The following CDH13 variants were observed in gnomAD, a reference collection of about 807,000 sequenced individuals.
CDH13 encodes the protein cadherin 13.
A neutral mutation model predicts 63.8 loss-of-function variants in CDH13; 24 were observed. The ratio of observed to expected loss-of-function variants is 0.38; its 90% CI spans 0.27 to 0.53. The LOEUF is 0.53. CDH13 is among the 20% of genes least tolerant of loss of function. The pLI is 0.85. For missense variants in CDH13, 1,049 were observed against 903.1 expected (o/e 1.16, Z -2.07); for synonymous variants, 503 against 355.3 (o/e 1.42, Z -4.67).
At chr16:83,416,701 T>G (rs1234432517) in intron 6 of CDH13, among the ~76,000 whole-genome samples, 1 of 152,144 alleles carries the variant, frequency 6.6e-6, no homozygotes, top group Non-Finnish European at 1.5e-5. Context: ...GCACTATTCA[T>G]AGGTTGAAAA....
chr16:83,054,822 A>G (rs1284965866), intron 3 of CDH13, among the ~76,000 whole-genome samples: 4 of 152,166 alleles, frequency 2.6e-5, no homozygotes, highest in African/African-American at 9.6e-5. Context: ...AAATTTCACT[A>G]AAATCTGTAA....
At chr16:83,592,097 A>G (rs1203545648) in intron 7 of CDH13, among the ~76,000 whole-genome samples, 1 of 152,088 alleles carries the variant, frequency 6.6e-6, no homozygotes, top group East Asian at 1.9e-4. Flanking sequence ...TGCTTACCCC[A>G]TCTCATTGTG....
intron 3 of CDH13, among the ~76,000 whole-genome samples, chr16:83,109,827 A>G (rs1366178590): frequency 2.0e-5 from 3 of 152,172 alleles, no homozygotes; most frequent in Non-Finnish European, 4.4e-5. Flanking sequence ...CATCACCATC[A>G]CATGTGGTTG....
intron 6 of CDH13, among the ~76,000 whole-genome samples, chr16:83,365,001 G>C (rs1454651158): frequency 1.3e-5 from 2 of 152,186 alleles, no homozygotes; most frequent in Non-Finnish European, 2.9e-5. Context: ...GATAGGTGCA[G>C]CAAACCACCA....
Position 82,888,143 on chromosome 16 carries a change from CCT to C in CDH13, c.157+29671_157+29672del, listed in dbSNP as rs570726592. Among the ~76,000 whole-genome samples the C allele has an allele frequency of 3.6e-4, 55 of 152,248 alleles. 2 individuals are homozygous for C. The highest frequency in any genetic ancestry group is 1.2e-3 in the African/African-American group (51 of 41,558). On this transcript the variant is annotated intron_variant, in intron 2 of 13. Transcript: ENST00000567109. Reference sequence around the variant, plus strand: ...CCAAGTTCCAAAAAGCACCGAACAACCTTTTGGGAAGAAAACATACATAGTGT... The same window carrying C: ...CCAAGTTCCAAAAAGCACCGAACAACTTTGGGAAGAAAACATACATAGTGT...
At chr16:83,562,710 C>T (rs1197808442) in intron 7 of CDH13, among the ~76,000 whole-genome samples, 1 of 152,164 alleles carries the variant, frequency 6.6e-6, no homozygotes, top group Non-Finnish European at 1.5e-5. Context: ...AGGGTTTCTG[C>T]CTGTCTATTT....
At chr16:83,503,493 G>A (rs951509612) in intron 7 of CDH13, among the ~76,000 whole-genome samples, 2 of 152,090 alleles carry the variant, frequency 1.3e-5, no homozygotes, top group Admixed American at 1.3e-4. Context: ...ACAGGAGAGG[G>A]AAAGGAGGAA....
chr16:82,858,921 C>A (rs2039815099), intron 2 of CDH13: 1 of 172,810 alleles, frequency 5.8e-6, no homozygotes, highest in Admixed American at 6.2e-5. Flanking sequence ...ACACAGACAT[C>A]AAAAACTCTT....
At chr16:83,622,349 T>A (rs746598489) in intron 8 of CDH13, among the ~76,000 whole-genome samples, 3 of 152,140 alleles carry the variant, frequency 2.0e-5, no homozygotes, top group Non-Finnish European at 4.4e-5. Context: ...TTCTACACAC[T>A]CTTCCGGCCC....
chr16:83,446,201 G>T (rs1027791014), intron 6 of CDH13, among the ~76,000 whole-genome samples: 1 of 151,660 alleles, frequency 6.6e-6, no homozygotes, highest in Admixed American at 6.6e-5. Flanking sequence ...TATTTAGGAG[G>T]CTGAGGCAAG....
intron 4 of CDH13, among the ~76,000 whole-genome samples, chr16:83,150,315 A>T (rs183266072): frequency 3.6e-4 from 55 of 152,248 alleles, no homozygotes; most frequent in African/African-American, 1.3e-3. Flanking sequence ...TCTCTGTCTC[A>T]TGTCTATGTC....
At chr16:83,628,684 G>A (rs1436953486) in intron 8 of CDH13, among the ~76,000 whole-genome samples, 2 of 152,142 alleles carry the variant, frequency 1.3e-5, no homozygotes, top group Non-Finnish European at 2.9e-5. Context: ...ATTTCAATAG[G>A]AGGCGAAGAT....
rs1906754267 is a variant in CDH13 at position 83,591,562 on chromosome 16, C to T, written c.961-10892C>T. 5.9e-5 allele frequency among the ~76,000 whole-genome samples: 9 copies of T among 152,190 alleles called. No homozygotes were observed. The South Asian group carries it at 1.9e-3, about 31-fold the overall frequency. ...TCACCTCACAAACCTTGACTCCAGG[C>T]ACGCTGGTGGCCCTGTTGCAGCCTG... is the stretch of plus-strand genomic sequence containing the variant. On this transcript the variant is annotated intron_variant, in intron 7 of 13. Transcript: ENST00000567109.
At chr16:82,650,058 A>AC (rs1910546990) in intron 1 of CDH13, among the ~76,000 whole-genome samples, 2 of 152,194 alleles carry the variant, frequency 1.3e-5, no homozygotes, top group Non-Finnish European at 2.9e-5. Flanking sequence ...AGGCTCAGTC[A>AC]CTTAAAGAAT....
At chr16:83,442,962 T>C (rs1459263061) in intron 6 of CDH13, among the ~76,000 whole-genome samples, 1 of 152,228 alleles carries the variant, frequency 6.6e-6, no homozygotes, top group East Asian at 1.9e-4. Context: ...CATATGGCTT[T>C]TCCTAAACAG....
intron 2 of CDH13, among the ~76,000 whole-genome samples, chr16:82,950,846 G>T (rs1281908855): frequency 6.7e-6 from 1 of 148,622 alleles, no homozygotes; most frequent in South Asian, 2.1e-4. Flanking sequence ...GGCGAGGACA[G>T]TGAAACCCAC....
intron 10 of CDH13, among the ~76,000 whole-genome samples, chr16:83,734,476 G>T (rs368900362): frequency 6.6e-6 from 1 of 151,318 alleles, no homozygotes. Flanking sequence ...GTAAACTATC[G>T]CAAGGACAAA....
Position 83,047,848 on chromosome 16 carries a change from A to T in CDH13, c.366+15630A>T, listed in dbSNP as rs548077150. Among the ~76,000 whole-genome samples, 12 of 152,186 alleles carry T rather than the reference A, an allele frequency of 7.9e-5. No homozygotes were observed. Among genetic ancestry groups the T allele is most frequent in the Non-Finnish European group, 1.5e-4 (10 of 68,028 alleles). On this transcript the variant is annotated intron_variant, in intron 3 of 13. Transcript: ENST00000567109. The surrounding 1 kb of genome is among the most constrained non-coding windows in gnomAD (Gnocchi z 4.9). ...GTCATATAATCTTTATAATAACTCT[A>T]TAATATAGGTCCTATTTTATCTTCA...
At chr16:83,123,627 T>G (rs116695693) in intron 3 of CDH13, among the ~76,000 whole-genome samples, 3,234 of 152,240 alleles carry the variant, frequency 0.021, 124 homozygotes, top group African/African-American at 0.074. Flanking sequence ...TTAGGTTCAT[T>G]CCATGTCTTT....
Sources: allele counts gnomAD v4.1 joint callset (sites outside exome capture counted in the v4.1 genomes callset), GRCh38; gene constraint gnomAD v4.1.1; non-coding constraint Gnocchi (gnomAD v3.1); transcripts MANE v1.5; gene names NCBI Gene and HGNC (gene_info 2026-07-23, HGNC 2026-07-21).